Variants in ST6GALNAC3 observed in about 807,000 individuals in gnomAD.
ST6GALNAC3 encodes alpha-N-acetylgalactosaminide alpha-2,6-sialyltransferase 3.
In ST6GALNAC3, 25 loss-of-function variants were observed where a neutral mutation model predicts 32.7. The ratio of observed to expected loss-of-function variants is 0.76; its 90% CI spans 0.56 to 1.07. ST6GALNAC3 has a LOEUF of 1.07. Among genes scored for constraint, ST6GALNAC3 ranks in the 50% least tolerant of loss-of-function variants. The pLI is 0.00. For synonymous variants in ST6GALNAC3, 129 were observed against 133.1 expected (o/e 0.97, Z 0.21); for missense variants, 355 against 382.4 (o/e 0.93, Z 0.60).
intron 1 of ST6GALNAC3, among the ~76,000 whole-genome samples, chr1:76,130,742 C>G (rs1649556585): frequency 6.6e-6 from 1 of 152,190 alleles, no homozygotes; most frequent in South Asian, 2.1e-4. Context: ...TCCACCAGAG[C>G]CCAATAGCAA....
intron 1 of ST6GALNAC3, among the ~76,000 whole-genome samples, chr1:76,252,077 G>A (rs547231038): frequency 1.1e-3 from 165 of 152,222 alleles, no homozygotes; most frequent in Non-Finnish European, 1.9e-3. Context: ...GCGTTGGTAT[G>A]GTGGGAAAAA....
intron 2 of ST6GALNAC3, among the ~76,000 whole-genome samples, chr1:76,351,463 A>G (rs1179679429): frequency 6.6e-6 from 1 of 152,082 alleles, no homozygotes; most frequent in Non-Finnish European, 1.5e-5. Flanking sequence ...TATAAAGACT[A>G]TATGGAGATC....
intron 2 of ST6GALNAC3, among the ~76,000 whole-genome samples, chr1:76,321,033 G>A (rs142697164): frequency 3.4e-4 from 52 of 151,570 alleles, no homozygotes; most frequent in African/African-American, 1.1e-3. Context: ...TGCCTTTTGC[G>A]GTTGTCTACT....
chr1:76,535,111 A>T (rs912468243), intron 3 of ST6GALNAC3, among the ~76,000 whole-genome samples: 2 of 152,210 alleles, frequency 1.3e-5, no homozygotes, highest in Non-Finnish European at 2.9e-5. Flanking sequence ...CATGGGATAC[A>T]CAGGGTTAGG....
intron 1 of ST6GALNAC3, among the ~76,000 whole-genome samples, chr1:76,294,319 A>G (rs1354955271): frequency 2.0e-5 from 3 of 152,078 alleles, no homozygotes; most frequent in African/African-American, 4.8e-5. Flanking sequence ...GTCAAAAAGC[A>G]CTGGGAAACA....
intron 3 of ST6GALNAC3, among the ~76,000 whole-genome samples, chr1:76,470,935 G>T (rs1455156380): frequency 6.6e-6 from 1 of 152,038 alleles, no homozygotes; most frequent in Non-Finnish European, 1.5e-5. Context: ...TTTACAGATT[G>T]TTGATACAAA....
chr1:76,081,465 T>G (rs1048721130), intron 1 of ST6GALNAC3, among the ~76,000 whole-genome samples: 1 of 152,274 alleles, frequency 6.6e-6, no homozygotes, highest in South Asian at 2.1e-4. Flanking sequence ...TCTGAATTTA[T>G]TTCACCATCT....
chr1:76,328,397 A>T (rs1363898859), intron 2 of ST6GALNAC3, among the ~76,000 whole-genome samples: 1 of 152,180 alleles, frequency 6.6e-6, no homozygotes, highest in Non-Finnish European at 1.5e-5. Flanking sequence ...GACCAAGTAC[A>T]AAAGTGAAGC....
intron 3 of ST6GALNAC3, among the ~76,000 whole-genome samples, chr1:76,565,593 T>C (rs1180750379): frequency 6.6e-6 from 1 of 152,182 alleles, no homozygotes; most frequent in African/African-American, 2.4e-5. Context: ...CTTCCTGCAT[T>C]ATAGAAAAAG....
intron 1 of ST6GALNAC3, among the ~76,000 whole-genome samples, chr1:76,169,940 G>A (rs966778755): frequency 6.6e-6 from 1 of 152,064 alleles, no homozygotes; most frequent in South Asian, 2.1e-4. Context: ...GAATTTTCAG[G>A]GTTCTTGCAC....
chr1:76,448,133 C>G (rs1657119388), intron 3 of ST6GALNAC3, among the ~76,000 whole-genome samples: 1 of 152,156 alleles, frequency 6.6e-6, no homozygotes, highest in Non-Finnish European at 1.5e-5. Context: ...CCATGGGAAC[C>G]CACCTCTTGC....
chr1:76,476,562 T>C (rs1184830342), intron 3 of ST6GALNAC3, among the ~76,000 whole-genome samples: 1 of 152,180 alleles, frequency 6.6e-6, no homozygotes, highest in Non-Finnish European at 1.5e-5. Flanking sequence ...GATCATTTTA[T>C]TTGATGGAAT....
At chr1:76,273,420 A>G (rs879556541) in intron 1 of ST6GALNAC3, among the ~76,000 whole-genome samples, 18 of 152,208 alleles carry the variant, frequency 1.2e-4, no homozygotes, top group Admixed American at 2.0e-4. Context: ...TTAATGTGCA[A>G]AGTTATCTTT....
chr1:76,335,458 CT>C (rs2100973636), intron 2 of ST6GALNAC3, among the ~76,000 whole-genome samples: 1 of 103,094 alleles, frequency 9.7e-6, no homozygotes, highest in Non-Finnish European at 1.9e-5. Context: ...CACACACACA[CT>C]CACACTCAGT....
rs1650435452 is a variant in ST6GALNAC3 at position 76,143,091 on chromosome 1, T to TTA, written c.18+68207_18+68208insTA. ...AAACAAATTTTTAGGAAAATTGAAC[T>TTA]CACCCTGTTTACTTTCATAGAAGGC... is the stretch of plus-strand genomic sequence containing the variant. On this transcript the variant is annotated intron_variant, in intron 1 of 4. Coordinates refer to ENST00000328299, the MANE Select transcript of ST6GALNAC3 (RefSeq NM_152996.4). Among the ~76,000 whole-genome samples, 7 of 152,316 alleles carry TTA rather than the reference T, an allele frequency of 4.6e-5. No homozygotes were observed. The South Asian group carries it at 1.2e-3, about 27-fold the overall frequency.
chr1:76,523,861 G>A (rs1350678532), intron 3 of ST6GALNAC3, among the ~76,000 whole-genome samples: 1 of 152,066 alleles, frequency 6.6e-6, no homozygotes, highest in Non-Finnish European at 1.5e-5. Context: ...ATGCCAAAAT[G>A]TCTAATGGTT....
chr1:76,446,016 C>T (rs1326735636), intron 3 of ST6GALNAC3, among the ~76,000 whole-genome samples: 1 of 152,128 alleles, frequency 6.6e-6, no homozygotes, highest in African/African-American at 2.4e-5. Flanking sequence ...CTTTTTCAGT[C>T]TTCCCAATAT....
In ST6GALNAC3 at chr1:76,629,725, A is replaced by T; in HGVS notation, c.*919A>T. 1 of 983,852 alleles carries T rather than the reference A, an allele frequency of 1.0e-6. No homozygotes were observed. The highest frequency in any genetic ancestry group is 1.2e-6 in the Non-Finnish European group (1 of 828,122). The allele number at this position is 983,852 out of a possible 1,614,324, so 60.9% of individuals were successfully genotyped here. A position where few individuals can be genotyped will look rare whatever the true frequency, so the allele number is the denominator to read the frequency against. Reference sequence around the variant, plus strand: ...AACAACACAAAACTATATGATTTTTAAAATCATGAAATAGAGACAGCAAAG... The same window carrying T: ...AACAACACAAAACTATATGATTTTTTAAATCATGAAATAGAGACAGCAAAG... On this transcript the variant is annotated 3_prime_UTR_variant, in exon 5 of 5. Coordinates refer to ENST00000328299, the MANE Select transcript of ST6GALNAC3 (RefSeq NM_152996.4).
In ST6GALNAC3 at chr1:76,251,655, C is replaced by T. The variant is rs1021620643; in HGVS notation, c.19-62150C>T. Among the ~76,000 whole-genome samples the T allele has an allele frequency of 1.6e-4, 24 of 152,284 alleles. 1 individual carries two copies. The South Asian group carries it at 2.9e-3, about 18-fold the overall frequency. ...CTTGGAAAGTCTTCCTTGAGATCCA[C>T]GGCAACTTGCGTAGACTTCTGTTAT... On this transcript the variant is annotated intron_variant, in intron 1 of 4. Coordinates refer to ENST00000328299, the MANE Select transcript of ST6GALNAC3 (RefSeq NM_152996.4).
Sources: allele counts gnomAD v4.1 joint callset (sites outside exome capture counted in the v4.1 genomes callset), GRCh38; gene constraint gnomAD v4.1.1; transcripts MANE v1.5; gene names NCBI Gene and HGNC (gene_info 2026-07-23, HGNC 2026-07-21).